The following TRMT44 variants were observed in gnomAD, a reference collection of about 807,000 sequenced individuals.
The protein encoded by TRMT44 is tRNA methyltransferase 44 homolog, also known as probable tRNA (uracil-O(2)-)-methyltransferase.
In TRMT44, 78 loss-of-function variants were observed where a neutral mutation model predicts 77.3. That is an observed-to-expected ratio of 1.01 (90% CI 0.84 to 1.22). The LOEUF (loss-of-function observed/expected upper bound fraction) is 1.22, where lower values mean the gene tolerates loss of function less well. TRMT44 is among the 50% of genes most tolerant of loss of function. The pLI is 0.00. For missense variants in TRMT44, 1,090 were observed against 964.4 expected (o/e 1.13, Z -1.73); for synonymous variants, 391 against 383.3 (o/e 1.02, Z -0.23).
chr4:8,471,553 C>T (rs926471589), intron 10 of TRMT44, among the ~76,000 whole-genome samples: 14 of 152,246 alleles, frequency 9.2e-5, no homozygotes, highest in Admixed American at 7.2e-4. Flanking sequence ...CATTGTTTGG[C>T]GTCATCTTTA....
At chr4:8,467,873 C>A (rs757124047) in intron 8 of TRMT44, 41 bp from the exon 9 acceptor site, 4 of 1,542,106 alleles carry the variant, frequency 2.6e-6, no homozygotes, top group Non-Finnish European at 3.5e-6. Flanking sequence ...TTGAAATAGA[C>A]TAGCCAGCTA....
chr4:8,468,360 C>T lies in TRMT44; in HGVS notation c.1927+14C>T, dbSNP rs767357352. On this transcript the variant is annotated intron_variant, in intron 9 of 10. Transcript: ENST00000389737. ...GGAATGGGGGAGGTAAGCTGTCCAC[C>T]ATCTTAGGGAGGGGCTAGCACGCTC... 9.3e-6 allele frequency: 15 copies of T among 1,613,156 alleles called. No homozygotes were observed. The highest frequency in any genetic ancestry group is 2.2e-5 in the South Asian group (2 of 91,084).
At chr4:8,483,441 G>A (rs1727693471) in intron 2 of TRMT44, among the ~76,000 whole-genome samples, 2 of 152,222 alleles carry the variant, frequency 1.3e-5, no homozygotes, top group African/African-American at 4.8e-5. Flanking sequence ...GTCTAAGTTG[G>A]TCTGGTGTCT....
chr4:8,491,068 C>T (rs1278212349), intron 2 of TRMT44, among the ~76,000 whole-genome samples: 2 of 151,736 alleles, frequency 1.3e-5, no homozygotes, highest in Non-Finnish European at 2.9e-5. Flanking sequence ...TACAGAGTGC[C>T]GATTGGTGTA....
chr4:8,448,367 AG>A (rs1725198165), intron 2 of TRMT44, among the ~76,000 whole-genome samples: 2 of 152,176 alleles, frequency 1.3e-5, no homozygotes, highest in Admixed American at 6.5e-5. Flanking sequence ...CTCCCATACT[AG>A]GTGGTGTAGG....
intron 6 of TRMT44, among the ~76,000 whole-genome samples, chr4:8,457,555 A>G (rs1725882345): frequency 6.6e-6 from 1 of 152,210 alleles, no homozygotes. Context: ...TTTAAGCCTC[A>G]TTATGCACAG....
At chr4:8,480,950 G>C (rs895282064), downstream of TRMT44, among the ~76,000 whole-genome samples, 4 of 152,200 alleles carry the variant, frequency 2.6e-5, no homozygotes, top group Non-Finnish European at 5.9e-5. Flanking sequence ...TTGTGTGGGG[G>C]AAAATTTGCA....
chr4:8,463,876 G>A, intron 6 of TRMT44, 109 bp from the exon 7 acceptor site: 1 of 865,348 alleles, frequency 1.2e-6, no homozygotes. Context: ...GTGAACTGCG[G>A]CTCTGCGCTG....
chr4:8,483,715 G>A (rs181266035), intron 2 of TRMT44, among the ~76,000 whole-genome samples: 225 of 152,286 alleles, frequency 1.5e-3, no homozygotes, highest in Non-Finnish European at 2.6e-3. Flanking sequence ...CTGCTTGGCT[G>A]ATTTGACCAA....
intron 2 of TRMT44, among the ~76,000 whole-genome samples, chr4:8,485,110 C>T (rs950740873): frequency 4.6e-5 from 7 of 152,282 alleles, no homozygotes; most frequent in Middle Eastern, 3.4e-3. Flanking sequence ...TGAGAAAGAG[C>T]TTGGCTGAAG....
Position 8,449,669 on chromosome 4 carries a change from G to A in TRMT44, c.735G>A (p.Trp245Ter), listed in dbSNP as rs977584561. The A allele has an allele frequency of 6.5e-7, 1 of 1,532,360 alleles. No individual in the cohort carries two copies. Among genetic ancestry groups the A allele is most frequent in the Non-Finnish European group, 8.7e-7 (1 of 1,143,766 alleles). The allele number at this position is 1,532,360 out of a possible 1,614,324, so 94.9% of individuals were successfully genotyped here. The change falls in exon 3 of 11, where the codon TGG (tryptophan) becomes TGA (stop). Residue 245 changes from tryptophan to a stop codon, truncating the protein, a stop_gained and splice_region_variant. Transcript: ENST00000389737. LOFTEE classifies it high-confidence loss of function. Reference protein sequence around the residue: ...QIQLSHSKEEWFISVLIFCPE... With the variant: ...QIQLSHSKEE ...ATTCATATTTCTCTTATTTTTAAAG[G>A]TTCATATCTGTTTTAATTTTCTGTC...
chr4:8,476,208 C>A lies in TRMT44; in HGVS notation c.*207C>A, dbSNP rs375027183. 2.2e-5 allele frequency: 13 copies of A among 598,922 alleles called. No homozygotes were observed. Among genetic ancestry groups the A allele is most frequent in the African/African-American group, 2.0e-4 (11 of 53,870 alleles). 37.1% of individuals were successfully genotyped at this position (598,922 alleles called of 1,614,324 possible). ...TTACTCGGAAGCCCCCAGCTGACTG[C>A]CTGGCTTGTTTCAGATGCAGCCGCT... On this transcript the variant is annotated 3_prime_UTR_variant, in exon 11 of 11. Coordinates refer to ENST00000389737, the MANE Select transcript of TRMT44 (RefSeq NM_152544.3).
intron 2 of TRMT44, among the ~76,000 whole-genome samples, chr4:8,486,890 C>T (rs112751338): frequency 0.087 from 13,130 of 150,628 alleles, 632 homozygotes; most frequent in Middle Eastern, 0.13. Flanking sequence ...TAGCTCAGCC[C>T]GGCGAGGAGC....
At chr4:8,513,341 C>T in the TRMT44 span, among the ~76,000 whole-genome samples, 78 of 152,308 alleles carry the variant, frequency 5.1e-4, no homozygotes, top group African/African-American at 1.2e-3. Flanking sequence ...CATCAGATCT[C>T]ATGAACTCGT....
chr4:8,490,927 A>G (rs1727981687), intron 2 of TRMT44, among the ~76,000 whole-genome samples: 2 of 152,170 alleles, frequency 1.3e-5, no homozygotes, highest in Non-Finnish European at 2.9e-5. Context: ...TTAGTTAGAT[A>G]CAGAGTATCG....
chr4:8,502,903 G>C, the TRMT44 span, among the ~76,000 whole-genome samples: 3 of 152,218 alleles, frequency 2.0e-5, no homozygotes, highest in Non-Finnish European at 2.9e-5. Flanking sequence ...ACCACTCTCT[G>C]GATTGGCCCA....
chr4:8,453,956 T>C (rs1725626540), intron 5 of TRMT44, among the ~76,000 whole-genome samples: 1 of 152,210 alleles, frequency 6.6e-6, no homozygotes, highest in African/African-American at 2.4e-5. Flanking sequence ...AGAATGAGTT[T>C]CTAATCATAA....
At chr4:8,459,036 TAAA>T (rs879600636) in intron 6 of TRMT44, among the ~76,000 whole-genome samples, 1 of 131,638 alleles carries the variant, frequency 7.6e-6, no homozygotes, top group Non-Finnish European at 1.6e-5. Flanking sequence ...CCATCTCTAC[TAAA>T]AAAAAAAAAA....
chr4:8,484,783 A>G (rs1403061676), intron 2 of TRMT44, among the ~76,000 whole-genome samples: 2 of 152,220 alleles, frequency 1.3e-5, no homozygotes, highest in African/African-American at 4.8e-5. Flanking sequence ...TGGCAAAACC[A>G]GGTGTCTAAA....
Sources: gnomAD v4.1 joint callset for allele counts (sites outside exome capture counted in the v4.1 genomes callset) on GRCh38, gnomAD v4.1.1 for gene constraint, MANE v1.5 for transcripts, NCBI Gene and HGNC (gene_info 2026-07-23, HGNC 2026-07-21) for gene names.